The following XKR9 variants were observed in gnomAD, a reference collection of about 807,000 sequenced individuals.
XKR9 encodes the protein XK related 9, also known as XK-related protein 9.
A neutral mutation model predicts 32.0 loss-of-function variants in XKR9; 32 were observed. That is an observed-to-expected ratio of 1.00 (90% CI 0.76 to 1.34). The LOEUF (loss-of-function observed/expected upper bound fraction) is 1.34. Ranked by LOEUF, XKR9 falls within the 40% of genes most tolerant of loss-of-function variation. The pLI is 0.00. For synonymous variants in XKR9, 168 were observed against 143.4 expected (o/e 1.17, Z -1.22); for missense variants, 546 against 429.7 (o/e 1.27, Z -2.39).
chr8:70,926,435 T>C, the XKR9 span, among the ~76,000 whole-genome samples: 2 of 152,368 alleles, frequency 1.3e-5, no homozygotes, highest in African/African-American at 4.8e-5. Context: ...AAGTTCTGCA[T>C]TGAAAAACTT....
chr8:71,042,183 A>T, the XKR9 span, among the ~76,000 whole-genome samples: 3 of 152,148 alleles, frequency 2.0e-5, no homozygotes, highest in African/African-American at 7.2e-5. Context: ...TACAACAATC[A>T]AGCTGTGGTT....
chr8:70,963,633 C>T, the XKR9 span, among the ~76,000 whole-genome samples: 3 of 152,094 alleles, frequency 2.0e-5, no homozygotes, highest in Non-Finnish European at 2.9e-5. Flanking sequence ...GCATCTGTGG[C>T]TTTATGACTT....
chr8:70,953,419 CT>C, the XKR9 span, among the ~76,000 whole-genome samples: 12 of 152,166 alleles, frequency 7.9e-5, no homozygotes, highest in African/African-American at 2.7e-4. Context: ...CCAAGTGATC[CT>C]CCTACCACAG....
At chr8:70,951,051 G>C in the XKR9 span, among the ~76,000 whole-genome samples, 6 of 152,134 alleles carry the variant, frequency 3.9e-5, no homozygotes, top group Non-Finnish European at 8.8e-5. Context: ...GTCATTCAGA[G>C]AGTTACATCT....
chr8:70,804,393 A>G, the XKR9 span, among the ~76,000 whole-genome samples: 1 of 152,268 alleles, frequency 6.6e-6, no homozygotes, highest in African/African-American at 2.4e-5. Context: ...GTTAACTTTT[A>G]TATACAGTAC....
intron 2 of XKR9, among the ~76,000 whole-genome samples, chr8:70,759,149 C>G (rs1807270835): frequency 6.6e-6 from 1 of 152,112 alleles, no homozygotes; most frequent in Non-Finnish European, 1.5e-5. Context: ...AGTTTTTCAT[C>G]AAAAATGGGT....
At chr8:71,032,305 A>AAAT in the XKR9 span, among the ~76,000 whole-genome samples, 1 of 140,910 alleles carries the variant, frequency 7.1e-6, no homozygotes, top group Non-Finnish European at 1.5e-5. Context: ...AAAAAAAAAA[A>AAAT]AAACCACTTT....
intron 1 of XKR9, among the ~76,000 whole-genome samples, chr8:70,673,890 A>G (rs1818798886): frequency 6.6e-6 from 1 of 152,234 alleles, no homozygotes. Context: ...CACTTACAAT[A>G]GTTTATTATC....
chr8:70,953,749 G>A, the XKR9 span, among the ~76,000 whole-genome samples: 1 of 152,166 alleles, frequency 6.6e-6, no homozygotes, highest in Non-Finnish European at 1.5e-5. Context: ...GTTCATGGGG[G>A]TCTGTGCTTC....
At chr8:70,739,281 T>C (rs958765161), downstream of XKR9, among the ~76,000 whole-genome samples, 1 of 152,208 alleles carries the variant, frequency 6.6e-6, no homozygotes, top group Non-Finnish European at 1.5e-5. Context: ...TCAGAGACTA[T>C]GATTGCAATC....
At chr8:70,934,788 T>A in the XKR9 span, among the ~76,000 whole-genome samples, 1 of 152,116 alleles carries the variant, frequency 6.6e-6, no homozygotes, top group African/African-American at 2.4e-5. Flanking sequence ...TCCAACTTGA[T>A]GTAACTCGTT....
At chr8:70,992,918 G>A in the XKR9 span, among the ~76,000 whole-genome samples, 1 of 152,202 alleles carries the variant, frequency 6.6e-6, no homozygotes, top group African/African-American at 2.4e-5. Flanking sequence ...CAGATATTAA[G>A]TTTCACTGAC....
At chr8:70,709,437 A>G (rs1285297332) in intron 4 of XKR9, among the ~76,000 whole-genome samples, 2 of 152,202 alleles carry the variant, frequency 1.3e-5, no homozygotes, top group Non-Finnish European at 2.9e-5. Context: ...ACATAGTGCT[A>G]GAAGTACTAG....
chr8:70,885,533 C>T, the XKR9 span, among the ~76,000 whole-genome samples: 2 of 151,978 alleles, frequency 1.3e-5, no homozygotes, highest in African/African-American at 2.4e-5. Flanking sequence ...GCTCCGCATG[C>T]ATTATGTATT....
chr8:71,030,071 A>C, the XKR9 span, among the ~76,000 whole-genome samples: 3 of 152,114 alleles, frequency 2.0e-5, no homozygotes, highest in Non-Finnish European at 2.9e-5. Flanking sequence ...TTTATATAGG[A>C]CCTAAGCCAG....
chr8:70,777,058 T>G (rs1457527707), intron 2 of XKR9, among the ~76,000 whole-genome samples: 1 of 151,176 alleles, frequency 6.6e-6, no homozygotes, highest in Middle Eastern at 3.2e-3. Context: ...GCTGTACCCA[T>G]CAACTTGTTA....
At chr8:70,899,203 G>A in the XKR9 span, among the ~76,000 whole-genome samples, 1 of 152,054 alleles carries the variant, frequency 6.6e-6, no homozygotes, top group Non-Finnish European at 1.5e-5. Context: ...TTATTGTGCT[G>A]TGTCTGTGCA....
chr8:70,886,081 C>T, the XKR9 span, among the ~76,000 whole-genome samples: 48,298 of 152,006 alleles, frequency 0.32, 9,013 homozygotes, highest in Non-Finnish European at 0.43. Context: ...TGATGTTCCC[C>T]ACCTGGTGTC....
intron 1 of XKR9, among the ~76,000 whole-genome samples, chr8:70,672,878 A>G (rs540971695): frequency 2.7e-4 from 41 of 152,088 alleles, no homozygotes; most frequent in African/African-American, 8.2e-4. Context: ...AGAATCGTCT[A>G]TTCATGTTCT....
Sources: gnomAD v4.1 joint callset for allele counts (sites outside exome capture counted in the v4.1 genomes callset) on GRCh38, gnomAD v4.1.1 for gene constraint, MANE v1.5 for transcripts, NCBI Gene and HGNC (gene_info 2026-07-23, HGNC 2026-07-21) for gene names.